KDM5B: variants seen among roughly 807,000 people sequenced by gnomAD.
The protein encoded by KDM5B is lysine demethylase 5B, also known as lysine-specific demethylase 5B.
Under a neutral mutation model 193.4 loss-of-function variants are expected in KDM5B, and 144 were observed. That is an observed-to-expected ratio of 0.74 (90% confidence interval 0.65 to 0.86). KDM5B has a LOEUF of 0.86. Among genes scored for constraint, KDM5B ranks in the 40% least tolerant of loss-of-function variants. The probability of loss-of-function intolerance (pLI) is 0.00; values close to 1 mark genes in which losing one functional copy is unlikely to be tolerated. For synonymous variants in KDM5B, 668 were observed against 682.6 expected (o/e 0.98, Z 0.33); for missense variants, 1,833 against 1,886.9 (o/e 0.97, Z 0.53).
chr1:202,755,887 T>C lies in KDM5B; in HGVS notation c.1357-435A>G, dbSNP rs560653404. Among the ~76,000 whole-genome samples the C allele has an allele frequency of 5.3e-5, 8 of 151,986 alleles. No homozygotes were observed. The East Asian group carries it at 1.5e-3, about 29-fold the overall frequency. ...CTTGTTTTAGTTAGTGCTGGTTACA[T>C]GGGTGTGTTCAGCTTGTGGAAATTC... On this transcript the variant is annotated intron_variant, in intron 10 of 26. Coordinates refer to ENST00000367265, the MANE Select transcript of KDM5B (RefSeq NM_006618.5).
intron 6 of KDM5B, among the ~76,000 whole-genome samples, chr1:202,763,393 G>T (rs567794895): frequency 5.9e-5 from 9 of 152,132 alleles, no homozygotes; most frequent in Non-Finnish European, 1.2e-4. Context: ...AGTAAATCAA[G>T]AAACATCTCT....
chr1:202,750,199 G>A (rs1461589375), intron 13 of KDM5B, among the ~76,000 whole-genome samples: 1 of 152,218 alleles, frequency 6.6e-6, no homozygotes, highest in Non-Finnish European at 1.5e-5. Flanking sequence ...TGGTACAAGT[G>A]CTTTATCTCA....
chr1:202,746,000 A>G lies in KDM5B; in HGVS notation c.2199-18T>C. The G allele has an allele frequency of 3.1e-6, 5 of 1,613,730 alleles. No individual in the cohort carries two copies. Among genetic ancestry groups the G allele is most frequent in the Non-Finnish European group, 4.2e-6 (5 of 1,179,722 alleles). Reference sequence around the variant, plus strand: ...ACCTATACCTGGAAATAATACCACCACACTTAGCTTTGAGACGTGTAGCTT... The same window carrying G: ...ACCTATACCTGGAAATAATACCACCGCACTTAGCTTTGAGACGTGTAGCTT... On this transcript the variant is annotated intron_variant, in intron 15 of 26. Coordinates refer to ENST00000367265, the MANE Select transcript of KDM5B (RefSeq NM_006618.5).
At chr1:202,753,451 C>T (rs1039673332) in intron 11 of KDM5B, among the ~76,000 whole-genome samples, 1 of 152,098 alleles carries the variant, frequency 6.6e-6, no homozygotes, top group African/African-American at 2.4e-5. Flanking sequence ...GCAGAGATCA[C>T]ACCATTGCAT....
chr1:202,763,203 T>C (rs897231826), intron 6 of KDM5B, among the ~76,000 whole-genome samples: 3 of 152,224 alleles, frequency 2.0e-5, no homozygotes, highest in African/African-American at 7.2e-5. Flanking sequence ...TGATCTAAGA[T>C]GACTTCCTGG....
intron 5 of KDM5B, 124 bp downstream of exon 5, chr1:202,766,802 C>T (rs955002413): frequency 5.7e-6 from 6 of 1,055,286 alleles, no homozygotes; most frequent in South Asian, 1.7e-5. Context: ...AAACAGCATC[C>T]CTTTGTGAGA....
intron 1 of KDM5B, among the ~76,000 whole-genome samples, chr1:202,799,737 CCT>C (rs1022257163): frequency 6.6e-6 from 1 of 151,724 alleles, no homozygotes; most frequent in African/African-American, 2.4e-5. Flanking sequence ...CCTTGATAAA[CCT>C]CTTTTTTATC....
chr1:202,799,176 T>C (rs1572783263), intron 1 of KDM5B, among the ~76,000 whole-genome samples: 2 of 152,154 alleles, frequency 1.3e-5, no homozygotes. Context: ...AATTAATTAG[T>C]CTGGACAGCA....
chr1:202,747,815 C>CA (rs1655620259), intron 14 of KDM5B, among the ~76,000 whole-genome samples: 1 of 151,826 alleles, frequency 6.6e-6, no homozygotes, highest in African/African-American at 2.4e-5. Context: ...TTGGAAGACT[C>CA]AATATTATTA....
Position 202,724,708 on chromosome 1 carries a change from T to C in KDM5B, c.*4328A>G, listed in dbSNP as rs1654617039. On this transcript the variant is annotated 3_prime_UTR_variant, in exon 27 of 27. Coordinates refer to ENST00000367265, the MANE Select transcript of KDM5B (RefSeq NM_006618.5). ...ACTTTTTTATTAACTGTTGAACTACTTGTCCTGATCATACACAGAAGGGGC... is the reference window on the plus strand; with the variant it reads ...ACTTTTTTATTAACTGTTGAACTACCTGTCCTGATCATACACAGAAGGGGC... 6.6e-6 allele frequency: 1 copy of C among 151,258 alleles called. No homozygotes were observed. The highest frequency in any genetic ancestry group is 1.5e-5 in the Non-Finnish European group (1 of 67,910). 9.4% of individuals were successfully genotyped at this position (151,258 alleles called of 1,614,324 possible).
chr1:202,762,291 T>C (rs2102275263), intron 7 of KDM5B, among the ~76,000 whole-genome samples: 1 of 152,322 alleles, frequency 6.6e-6, no homozygotes, highest in Non-Finnish European at 1.5e-5. Context: ...TTCTTTTCAT[T>C]TCCTTCCTTC....
chr1:202,790,563 T>C (rs1432066707), intron 1 of KDM5B, among the ~76,000 whole-genome samples: 7 of 150,982 alleles, frequency 4.6e-5, no homozygotes, highest in Non-Finnish European at 1.0e-4. Context: ...CTACTAAAAA[T>C]ACAAAAATTA....
At chr1:202,785,499 C>G (rs1202702587) in intron 1 of KDM5B, among the ~76,000 whole-genome samples, 1 of 152,102 alleles carries the variant, frequency 6.6e-6, no homozygotes, top group Non-Finnish European at 1.5e-5. Context: ...CGGCTTTGTA[C>G]TAGGTTAAGT....
In KDM5B at chr1:202,743,385, G is replaced by C. The variant is rs989578405; in HGVS notation, c.2324-580C>G. Among the ~76,000 whole-genome samples, 7 of 117,540 alleles carry C rather than the reference G, an allele frequency of 6.0e-5. 1 individual carries two copies. The highest frequency in any genetic ancestry group is 2.2e-4 in the East Asian group (1 of 4,470). 77.1% of individuals were successfully genotyped at this position (117,540 alleles called of 152,430 possible). ...AAAAACACCTGGCATGTTTAAAATA[G>C]ACAAAAAGAAGAAAACAACTGACTT... On this transcript the variant is annotated intron_variant, in intron 16 of 26. Transcript: ENST00000367265.
At chr1:202,769,030 CT>C (rs1273285459) in intron 4 of KDM5B, among the ~76,000 whole-genome samples, 6 of 141,872 alleles carry the variant, frequency 4.2e-5, no homozygotes, top group South Asian at 2.3e-4. Flanking sequence ...CTATTATATT[CT>C]TTTTTTTTCT....
Position 202,744,471 on chromosome 1 carries a change from T to C in KDM5B, c.2323+1387A>G, listed in dbSNP as rs183216576. 3.0e-3 allele frequency among the ~76,000 whole-genome samples: 463 copies of C among 152,226 alleles called. 3 individuals are homozygous for C. Among genetic ancestry groups the C allele is most frequent in the Non-Finnish European group, 3.5e-3 (239 of 68,018 alleles). On this transcript the variant is annotated intron_variant, in intron 16 of 26. Transcript: ENST00000367265. ...TACACAGGAGGCTGAGGCAGGAGAA[T>C]TGCTTGAACCCAGGAGGTGGAGGTT...
chr1:202,773,918 G>A (rs1241912075), intron 3 of KDM5B, among the ~76,000 whole-genome samples: 1 of 151,880 alleles, frequency 6.6e-6, no homozygotes. Flanking sequence ...TGTATTTTTA[G>A]TAGAGACGGG....
chr1:202,725,486 C>G lies in KDM5B; in HGVS notation c.*3550G>C, dbSNP rs553144939. The G allele has an allele frequency of 6.6e-6, 1 of 152,276 alleles. No homozygotes were observed. Among genetic ancestry groups the G allele is most frequent in the South Asian group, 2.1e-4 (1 of 4,824 alleles). The allele number at this position is 152,276 out of a possible 1,614,324, so 9.4% of individuals were successfully genotyped here. ...ATAGCCACATGCAAAGGATTGATGACAGAGGGGCAAAGAGGGCGAAGCCAT... is the reference window on the plus strand; with the variant it reads ...ATAGCCACATGCAAAGGATTGATGAGAGAGGGGCAAAGAGGGCGAAGCCAT... On this transcript the variant is annotated 3_prime_UTR_variant, in exon 27 of 27. Transcript: ENST00000367265.
chr1:202,779,659 CG>C (rs994477293), intron 1 of KDM5B, among the ~76,000 whole-genome samples: 3 of 151,552 alleles, frequency 2.0e-5, no homozygotes, highest in Admixed American at 1.3e-4. Flanking sequence ...AAAAATTAGC[CG>C]GGTGTGGTGA....
Sources: gnomAD v4.1 joint callset for allele counts (sites outside exome capture counted in the v4.1 genomes callset) on GRCh38, gnomAD v4.1.1 for gene constraint, MANE v1.5 for transcripts, NCBI Gene and HGNC (gene_info 2026-07-23, HGNC 2026-07-21) for gene names.